Variants in NOS2 observed in about 807,000 individuals in gnomAD.
NOS2 encodes nitric oxide synthase, inducible.
A neutral mutation model predicts 136.0 loss-of-function variants in NOS2; 96 were observed. The observed-to-expected ratio is 0.71, with a 90% CI of 0.60 to 0.84. The LOEUF is 0.84. Ranked by LOEUF, NOS2 falls within the 40% of genes least tolerant of loss-of-function variation. The pLI, the probability that NOS2 is intolerant of heterozygous loss-of-function variation, is 0.00. For synonymous variants in NOS2, 539 were observed against 587.5 expected (o/e 0.92, Z 1.20); for missense variants, 1,237 against 1,496.9 (o/e 0.83, Z 2.87).
chr17:27,787,534 A>G (rs1909054987), intron 5 of NOS2, 144 bp downstream of exon 5: 2 of 684,392 alleles, frequency 2.9e-6, no homozygotes, highest in Non-Finnish European at 2.4e-6. Context: ...GAAAACCGTG[A>G]TTTTCGCTCT....
At position 27,764,038 on chromosome 17, in the gene NOS2, C is replaced by T. The variant is rs1908218423; in HGVS notation, c.2535G>A (p.Lys845=). The change falls in exon 21 of 27, where the codon AAG becomes AAA. Residue 845 remains lysine (K), a synonymous_variant. Coordinates refer to ENST00000313735, the MANE Select transcript of NOS2 (RefSeq NM_000625.4). ...GCTCTTCTGTGGCCACCTGGGCCAG[C>T]TTTTGGAGCAGCAGCTGGGTTGGGG... ...TTPPTQLLLQ[K]LAQVATEEPE... The T allele has an allele frequency of 6.2e-6, 10 of 1,613,612 alleles. No individual in the cohort carries two copies. Among genetic ancestry groups the T allele is most frequent in the Non-Finnish European group, 7.6e-6 (9 of 1,179,814 alleles).
At chr17:27,772,118 T>C (rs932438077) in intron 14 of NOS2, among the ~76,000 whole-genome samples, 190 bp downstream of exon 14, 5 of 152,250 alleles carry the variant, frequency 3.3e-5, no homozygotes, top group African/African-American at 4.8e-5. Context: ...CAGAACACCA[T>C]GAAAAACTCA....
chr17:27,773,330 C>T (rs996930216), intron 12 of NOS2, 87 bp from the exon 13 acceptor site: 62 of 877,120 alleles, frequency 7.1e-5, no homozygotes, highest in Non-Finnish European at 1.0e-4. Context: ...GGACCCTTCA[C>T]ACCCATCATG....
intron 11 of NOS2, among the ~76,000 whole-genome samples, 167 bp from the exon 12 acceptor site, chr17:27,774,618 G>A (rs909224472): frequency 1.3e-5 from 2 of 152,164 alleles, no homozygotes; most frequent in African/African-American, 4.8e-5. Flanking sequence ...ACACCCAAAT[G>A]GAAGGCGCTT....
In NOS2 at chr17:27,768,861, C is replaced by T. The variant is rs1364061744; in HGVS notation, c.2034+116G>A. ...TGGCCCTGGCCCATGCCTGGGACCA[C>T]ATCTACAGGACCACAGGCAGAGGTC... On this transcript the variant is annotated intron_variant, in intron 17 of 26. Transcript: ENST00000313735. 5.1e-5 allele frequency: 60 copies of T among 1,170,296 alleles called. No individual in the cohort carries two copies. The East Asian group carries it at 1.5e-3, about 30-fold the overall frequency. 72.5% of individuals were successfully genotyped at this position (1,170,296 alleles called of 1,614,324 possible).
Position 27,765,632 on chromosome 17 carries a change from T to A in NOS2, c.2331A>T (p.Pro777=). The A allele has an allele frequency of 6.2e-7, 1 of 1,613,246 alleles. No homozygotes were observed. The highest frequency in any genetic ancestry group is 8.5e-7 in the Non-Finnish European group (1 of 1,179,954). The change falls in exon 20 of 27, where the codon CCA becomes CCT. Residue 777 remains proline (P), a synonymous_variant. Transcript: ENST00000313735. ...YLPGEHLGVC[P]GNQPALVQGI... ...CTTGGACCAGGGCCGGCTGGTTGCC[T>A]GGGCAAACCCCAAGGTGCTCCCCCG...
intron 5 of NOS2, among the ~76,000 whole-genome samples, chr17:27,784,734 C>T (rs1481297618): frequency 6.6e-6 from 1 of 152,122 alleles, no homozygotes; most frequent in African/African-American, 2.4e-5. Context: ...TGCAGCAAGT[C>T]ACAATCTCTA....
At chr17:27,791,782 C>T (rs72845850) in intron 2 of NOS2, among the ~76,000 whole-genome samples, 2 of 120,748 alleles carry the variant, frequency 1.7e-5, no homozygotes, top group African/African-American at 6.4e-5. Flanking sequence ...AAAAACAAAA[C>T]AAAACAAAAC....
intron 2 of NOS2, among the ~76,000 whole-genome samples, chr17:27,796,065 T>C (rs1278652813): frequency 6.6e-6 from 1 of 151,876 alleles, no homozygotes; most frequent in Admixed American, 6.6e-5. Context: ...AGACAGCAGA[T>C]AGATCACTAG....
intron 7 of NOS2, among the ~76,000 whole-genome samples, chr17:27,781,391 T>C (rs1238814747): frequency 6.6e-6 from 1 of 152,122 alleles, no homozygotes; most frequent in Non-Finnish European, 1.5e-5. Context: ...TCAGGCAGGG[T>C]TAGCTGATCT....
At chr17:27,781,849 C>A (rs549286666) in intron 7 of NOS2, among the ~76,000 whole-genome samples, 166 bp downstream of exon 7, 1 of 152,282 alleles carries the variant, frequency 6.6e-6, no homozygotes. Flanking sequence ...AGGGGCTGGG[C>A]TCACTACTGG....
intron 25 of NOS2, among the ~76,000 whole-genome samples, chr17:27,759,814 T>G (rs898752754): frequency 6.6e-6 from 1 of 152,118 alleles, no homozygotes; most frequent in African/African-American, 2.4e-5. Context: ...TTAACCCGCG[T>G]GTGACCTAGG....
At chr17:27,779,796 A>G (rs1034709632) in intron 9 of NOS2, among the ~76,000 whole-genome samples, 14 of 152,206 alleles carry the variant, frequency 9.2e-5, no homozygotes, top group African/African-American at 3.1e-4. Context: ...AGCCTCTCTG[A>G]GCCTCAACAT....
intron 2 of NOS2, among the ~76,000 whole-genome samples, chr17:27,790,886 C>T (rs1170528568): frequency 6.6e-6 from 1 of 152,158 alleles, no homozygotes; most frequent in Non-Finnish European, 1.5e-5. Context: ...ACCAGGGCAC[C>T]TTGGTTTGAA....
rs755297915 is a variant in NOS2 at position 27,779,074 on chromosome 17, A to G, written c.1005-18T>C. On this transcript the variant is annotated intron_variant, in intron 9 of 26. Transcript: ENST00000313735. ...ACTCGTATCTGGCAAAAAGGTAGAC[A>G]CAATTTAACTGGGGCCTTCCTTATT... is the stretch of plus-strand genomic sequence containing the variant. 7 of 1,436,090 alleles carry G rather than the reference A, an allele frequency of 4.9e-6. No individual in the cohort carries two copies. In the Admixed American group the frequency reaches 1.6e-4, roughly 32 times the overall value. 89.0% of individuals were successfully genotyped at this position (1,436,090 alleles called of 1,614,324 possible). A position where few individuals can be genotyped will look rare whatever the true frequency, so the allele number is the denominator to read the frequency against.
intron 5 of NOS2, among the ~76,000 whole-genome samples, chr17:27,784,382 CA>C (rs1908951482): frequency 6.6e-6 from 1 of 152,140 alleles, no homozygotes; most frequent in Non-Finnish European, 1.5e-5. Flanking sequence ...TCCCCAAGGA[CA>C]CCCCTGCCAT....
At chr17:27,768,761 C>G (rs1045992981) in intron 17 of NOS2, among the ~76,000 whole-genome samples, 1 of 152,192 alleles carries the variant, frequency 6.6e-6, no homozygotes, top group Non-Finnish European at 1.5e-5. Context: ...CCTTCTCCCC[C>G]AGAGTTGTGT....
In NOS2 at chr17:27,769,056, T is replaced by C. The variant is rs751078289; in HGVS notation, c.1955A>G (p.Gln652Arg). ...ATCCCCTTCTCCCATCGGGGTGAGC[T>C]GAGAGGCCCCCAGGTGGGACAGCTT... is the stretch of plus-strand genomic sequence containing the variant. ...DQKLSHLGAS[Q>R]LTPMGEGDEL... The change falls in exon 17 of 27, where the codon CAG (glutamine) becomes CGG (arginine). Residue 652 changes from glutamine to arginine, a missense_variant. Gln to Arg is a conservative substitution (Grantham distance 43, BLOSUM62 1). Coordinates refer to ENST00000313735, the MANE Select transcript of NOS2 (RefSeq NM_000625.4). 1 of 1,612,700 alleles carries C rather than the reference T, an allele frequency of 6.2e-7. No homozygotes were observed. Among genetic ancestry groups the C allele is most frequent in the South Asian group, 1.1e-5 (1 of 90,754 alleles).
Position 27,761,257 on chromosome 17 carries a change from A to G in NOS2, c.2801-26T>C, listed in dbSNP as rs369748113. 39 of 1,569,906 alleles carry G rather than the reference A, an allele frequency of 2.5e-5. No homozygotes were observed. The African/African-American group carries it at 4.2e-4, about 17-fold the overall frequency. On this transcript the variant is annotated intron_variant, in intron 22 of 26. Transcript: ENST00000313735. ...CTGCAACGATACCACAAAGTGACCA[A>G]CGTCCCCCCACTGCCCATGCGCAAA...
Sources: gnomAD v4.1 joint callset for allele counts (sites outside exome capture counted in the v4.1 genomes callset) on GRCh38, gnomAD v4.1.1 for gene constraint, MANE v1.5 for transcripts, NCBI Gene and HGNC (gene_info 2026-07-23, HGNC 2026-07-21) for gene names.